Variants in USP54 observed in about 807,000 individuals in gnomAD.
USP54 encodes ubiquitin specific peptidase 54.
In USP54, 87 loss-of-function variants were observed where a neutral mutation model predicts 170.5. That is an observed-to-expected ratio of 0.51 (90% CI 0.43 to 0.61). The LOEUF (loss-of-function observed/expected upper bound fraction) is 0.61, where lower values mean the gene tolerates loss of function less well. Ranked by LOEUF, USP54 falls within the 20% of genes least tolerant of loss-of-function variation. The pLI is 0.00. For synonymous variants in USP54, 655 were observed against 742.8 expected (o/e 0.88, Z 1.92); for missense variants, 1,786 against 2,047.8 (o/e 0.87, Z 2.47).
At chr10:73,513,942 A>G (rs759803323) in intron 20 of USP54, among the ~76,000 whole-genome samples, 2 of 152,014 alleles carry the variant, frequency 1.3e-5, no homozygotes, top group African/African-American at 2.4e-5. Flanking sequence ...CAGCCCCCCA[A>G]ATAGCTGGGA....
intron 20 of USP54, among the ~76,000 whole-genome samples, chr10:73,511,418 T>C (rs1365501458): frequency 6.6e-6 from 1 of 152,038 alleles, no homozygotes; most frequent in East Asian, 1.9e-4. Flanking sequence ...CCCAGCACTT[T>C]GGGAAGCTGA....
In USP54 at chr10:73,614,243, A is replaced by T. The variant is rs181529915; in HGVS notation, c.-18+11324T>A. ...GTACTGGCCCAAGAATAAACAACTG[A>T]AAAGAACAGAAATATTCAAAAATAA... On this transcript the variant is annotated intron_variant, in intron 1 of 22. Coordinates refer to the USP54 transcript ENST00000339859. Among the ~76,000 whole-genome samples the T allele has an allele frequency of 6.1e-4, 91 of 150,092 alleles. 10 individuals carry two copies. Among genetic ancestry groups the T allele is most frequent in the African/African-American group, 2.2e-3 (86 of 39,574 alleles).
At chr10:73,566,472 G>A (rs762838345) in intron 4 of USP54, among the ~76,000 whole-genome samples, 6 of 152,054 alleles carry the variant, frequency 3.9e-5, no homozygotes, top group Admixed American at 1.3e-4. Context: ...AGTGGCTCAC[G>A]CCTGTAATCC....
rs966320902 is a variant in USP54 at position 73,537,678 on chromosome 10, T to C, written c.976-1241A>G. On this transcript the variant is annotated intron_variant, in intron 10 of 23. Coordinates refer to ENST00000687698, the MANE Select transcript of USP54 (RefSeq NM_001391956.1). ...CTGATAACTCCAAGATCTGAAATTCTGAACTTTGTATTAACCTTATAACCT... is the reference window on the plus strand; with the variant it reads ...CTGATAACTCCAAGATCTGAAATTCCGAACTTTGTATTAACCTTATAACCT... 3 of 151,544 alleles carry C rather than the reference T, an allele frequency of 2.0e-5. 1 individual carries two copies. Among genetic ancestry groups the C allele is most frequent in the Non-Finnish European group, 4.4e-5 (3 of 67,956 alleles). The allele number at this position is 151,544 out of a possible 1,614,324, so 9.4% of individuals were successfully genotyped here. A position where few individuals can be genotyped will look rare whatever the true frequency, so the allele number is the denominator to read the frequency against.
intron 4 of USP54, among the ~76,000 whole-genome samples, chr10:73,557,455 G>A (rs1165436188): frequency 6.6e-6 from 1 of 151,766 alleles, no homozygotes; most frequent in Non-Finnish European, 1.5e-5. Context: ...CAAGTAGCTG[G>A]GACTATAGGT....
intron 20 of USP54, among the ~76,000 whole-genome samples, chr10:73,514,952 A>G (rs1430471246): frequency 6.6e-6 from 1 of 150,942 alleles, no homozygotes; most frequent in East Asian, 2.0e-4. Context: ...AGGCAGGAGA[A>G]TCACTTGAAC....
At chr10:73,585,217 G>A (rs2077340543) in intron 1 of USP54, among the ~76,000 whole-genome samples, 1 of 152,024 alleles carries the variant, frequency 6.6e-6, no homozygotes, top group Admixed American at 6.6e-5. Context: ...AATTAAGAGG[G>A]AAAAAAATCA....
chr10:73,606,485 G>A (rs776780497), intron 1 of USP54: 13 of 152,054 alleles, frequency 8.5e-5, no homozygotes, highest in Non-Finnish European at 1.5e-4. Context: ...AGTATAAGAT[G>A]TTGAGAGAGA....
chr10:73,595,174 C>T (rs773439606), upstream of USP54, among the ~76,000 whole-genome samples: 50 of 152,080 alleles, frequency 3.3e-4, no homozygotes, highest in Non-Finnish European at 6.5e-4. Context: ...GATCCACCCA[C>T]CTCAGCCTCC....
intron 1 of USP54, among the ~76,000 whole-genome samples, chr10:73,583,333 T>C (rs2077101521): frequency 6.6e-6 from 1 of 152,172 alleles, no homozygotes; most frequent in Non-Finnish European, 1.5e-5. Flanking sequence ...TCACCCAGGC[T>C]GGAGTAAAAT....
rs546079543 is a variant in USP54 at position 73,533,103 on chromosome 10, G to A, written c.1315+1497C>T. On this transcript the variant is annotated intron_variant, in intron 12 of 23. Coordinates refer to ENST00000687698, the MANE Select transcript of USP54 (RefSeq NM_001391956.1). The stretch of plus-strand genomic sequence containing the variant: ...GGGTGGATCACGAGGTCAGGAGATC[G>A]AGACCATCCTGGCTAACACGGTGAA... Among the ~76,000 whole-genome samples, 23 of 152,196 alleles carry A rather than the reference G, an allele frequency of 1.5e-4. No individual in the cohort carries two copies. In the East Asian group the frequency reaches 3.3e-3, roughly 22 times the overall value.
intron 4 of USP54, among the ~76,000 whole-genome samples, chr10:73,550,445 C>T (rs2068994327): frequency 6.6e-6 from 1 of 152,188 alleles, no homozygotes; most frequent in Admixed American, 6.5e-5. Flanking sequence ...CTCCACCCTC[C>T]CTTCCCCAAA....
chr10:73,597,270 C>T (rs2078810070), intron 1 of USP54, among the ~76,000 whole-genome samples: 1 of 152,206 alleles, frequency 6.6e-6, no homozygotes, highest in African/African-American at 2.4e-5. Flanking sequence ...ACTAGACTGC[C>T]TTTGCAGGAC....
chr10:73,516,812 T>C lies in USP54; in HGVS notation c.3614A>G (p.His1205Arg), dbSNP rs1240894775. 4.3e-6 allele frequency: 7 copies of C among 1,614,112 alleles called. No individual in the cohort carries two copies. The highest frequency in any genetic ancestry group is 5.1e-6 in the Non-Finnish European group (6 of 1,180,044). Residue 1205 changes from histidine to arginine, a missense_variant, in exon 20 of 24, where the codon CAT becomes CGT. By Grantham distance (29) the His-to-Arg change is conservative. This residue lies in a region of USP54 where 1,418 missense variants were observed against 1,569.0 expected (regional missense o/e 0.90). Transcript: ENST00000687698. ...CCCAGAGTTTAAGGCAAGAGAAGAATGTTCAGTGGACTCTTCCCAGGAAAG... is the reference window on the plus strand; with the variant it reads ...CCCAGAGTTTAAGGCAAGAGAAGAACGTTCAGTGGACTCTTCCCAGGAAAG... ...RPLSWEESTE[H>R]SSLALNSGLP...
Position 73,534,725 on chromosome 10 carries a change from G to A in USP54, c.1190C>T (p.Thr397Met), listed in dbSNP as rs747816737. ...GGAATGTTTGTAGGGATAGCTCTCC[G>A]TTGAGGAATCTGTTCGAGTGTCACT... is the stretch of plus-strand genomic sequence containing the variant. ...ISSDTRTDSS[T>M]ESYPYKHSHH... is the part of the protein sequence containing the mutation. The change falls in exon 12 of 24, where the codon ACG becomes ATG. Residue 397 changes from threonine (T) to methionine (M), a missense_variant. Thr to Met is a moderately conservative substitution (Grantham distance 81). Around this residue, in one of 3 missense-constraint regions of USP54, gnomAD observed 1,418 missense variants for 1,569.0 expected, o/e 0.90. Coordinates refer to ENST00000687698, the MANE Select transcript of USP54 (RefSeq NM_001391956.1). 1.9e-5 allele frequency: 30 copies of A among 1,614,022 alleles called. No homozygotes were observed. Among genetic ancestry groups the A allele is most frequent in the Middle Eastern group, 3.3e-4 (2 of 6,080 alleles).
chr10:73,606,115 T>C (rs987164747), intron 1 of USP54, among the ~76,000 whole-genome samples: 1 of 140,970 alleles, frequency 7.1e-6, no homozygotes, highest in African/African-American at 2.7e-5. Context: ...GAGGCAGAGG[T>C]TGCAGTGAGC....
chr10:73,520,012 AT>A lies in USP54; in HGVS notation c.2483-21del. ...GTTTAGCTAAAATGCAAAAGAAAAT[AT>A]AGCAGAAACAGAACACAAAACACAA... On this transcript the variant is annotated intron_variant, in intron 18 of 23. Transcript: ENST00000687698. 3.2e-6 allele frequency: 5 copies of A among 1,572,186 alleles called. No homozygotes were observed. Among genetic ancestry groups the A allele is most frequent in the Non-Finnish European group, 3.5e-6 (4 of 1,157,406 alleles).
rs781669836 is a variant in USP54, at chr10:73,526,736, C to T, written c.2105G>A (p.Arg702His). ...ACTGCTGTGCGACTTTGGGATATGACGCCAGGAAGGAACCAACCCAGCTGA... is the reference window on the plus strand; with the variant it reads ...ACTGCTGTGCGACTTTGGGATATGATGCCAGGAAGGAACCAACCCAGCTGA... ...KRSAGLVPSW[R>H]HIPKSHSSSI... The change falls in exon 16 of 24, where the codon CGT becomes CAT. Residue 702 changes from arginine (R) to histidine (H), a missense_variant. Physicochemically the swap from Arg to His is conservative, Grantham distance 29. This residue lies in a region of USP54 where 1,418 missense variants were observed against 1,569.0 expected (regional missense o/e 0.90). Coordinates refer to ENST00000687698, the MANE Select transcript of USP54 (RefSeq NM_001391956.1). 38 of 1,614,014 alleles carry T rather than the reference C, an allele frequency of 2.4e-5. No homozygotes were observed. The highest frequency in any genetic ancestry group is 3.1e-5 in the Non-Finnish European group (37 of 1,179,996).
At chr10:73,535,606 C>A (rs2065061233) in intron 11 of USP54, among the ~76,000 whole-genome samples, 1 of 152,156 alleles carries the variant, frequency 6.6e-6, no homozygotes, top group South Asian at 2.1e-4. Context: ...CTTTAGCCAT[C>A]AAGCTGAAAA....
Sources: gnomAD v4.1 joint callset for allele counts (sites outside exome capture counted in the v4.1 genomes callset) on GRCh38, gnomAD v4.1.1 for gene constraint, gnomAD v4.1.1 regional missense constraint, MANE v1.5 for transcripts, NCBI Gene and HGNC (gene_info 2026-07-23, HGNC 2026-07-21) for gene names.